ATRNL1: variants seen among roughly 807,000 people sequenced by gnomAD.
ATRNL1 encodes the protein attractin like 1, also known as attractin-like protein 1.
In ATRNL1, 95 loss-of-function variants were observed where a neutral mutation model predicts 182.7. The observed-to-expected ratio is 0.52, with a 90% CI of 0.44 to 0.62. The LOEUF (loss-of-function observed/expected upper bound fraction) is 0.62, where lower values mean the gene tolerates loss of function less well. Ranked by LOEUF, ATRNL1 falls within the 20% of genes least tolerant of loss-of-function variation. The pLI is 0.00. For synonymous variants in ATRNL1, 576 were observed against 568.3 expected, an observed-to-expected ratio of 1.01 and a Z score of -0.19; for missense variants, 1,471 against 1,679.5, an observed-to-expected ratio of 0.88 and a Z score of 2.17.
intron 5 of ATRNL1, among the ~76,000 whole-genome samples, chr10:115,154,763 C>A (rs1223643673): frequency 6.6e-6 from 1 of 152,066 alleles, no homozygotes; most frequent in South Asian, 2.1e-4. Flanking sequence ...GATGATCTGT[C>A]TAATGCTGAG....
chr10:115,181,394 T>G (rs1847740664), intron 8 of ATRNL1, among the ~76,000 whole-genome samples: 2 of 151,786 alleles, frequency 1.3e-5, no homozygotes, highest in South Asian at 4.1e-4. Flanking sequence ...TAGTTTGTTT[T>G]CTGAGCAGGC....
chr10:115,632,467 G>A lies in ATRNL1; in HGVS notation c.3795+82931G>A, dbSNP rs188056067. On this transcript the variant is annotated intron_variant, in intron 26 of 28. Transcript: ENST00000355044. Reference sequence around the variant, plus strand: ...TAACAGTAATAATAGGGATAAGAAAGAGGATGGTTCTTTTTAAAAATACCT... The same window carrying A: ...TAACAGTAATAATAGGGATAAGAAAAAGGATGGTTCTTTTTAAAAATACCT... Among the ~76,000 whole-genome samples the A allele has an allele frequency of 2.6e-3, 399 of 152,260 alleles. 1 individual carries two copies. The highest frequency in any genetic ancestry group is 9.0e-3 in the African/African-American group (375 of 41,568).
chr10:115,800,999 T>G (rs563093127), intron 27 of ATRNL1, among the ~76,000 whole-genome samples: 1 of 152,320 alleles, frequency 6.6e-6, no homozygotes, highest in African/African-American at 2.4e-5. Flanking sequence ...AGGCCTGTCT[T>G]CAGAAACAGG....
chr10:115,912,707 A>T (rs1952720865), intron 28 of ATRNL1, among the ~76,000 whole-genome samples: 1 of 152,334 alleles, frequency 6.6e-6, no homozygotes, highest in East Asian at 1.9e-4. Flanking sequence ...AATTCCATGA[A>T]TTATCACAAA....
chr10:115,287,419 A>G (rs980733712), intron 15 of ATRNL1, among the ~76,000 whole-genome samples: 1 of 152,046 alleles, frequency 6.6e-6, no homozygotes, highest in Non-Finnish European at 1.5e-5. Flanking sequence ...TGCTATTACT[A>G]CTATTTCCAG....
intron 26 of ATRNL1, among the ~76,000 whole-genome samples, chr10:115,718,043 C>T (rs782482938): frequency 7.7e-4 from 117 of 152,212 alleles, no homozygotes; most frequent in East Asian, 3.9e-4. Context: ...CATGATTCTT[C>T]GGGAAGTTTT....
chr10:115,677,365 C>T (rs556103588), intron 26 of ATRNL1, among the ~76,000 whole-genome samples: 4 of 152,164 alleles, frequency 2.6e-5, no homozygotes, highest in African/African-American at 9.6e-5. Context: ...TGCATGAGAG[C>T]CACCATTCAG....
At chr10:115,394,865 C>T in intron 20 of ATRNL1, 113 bp downstream of exon 20, 1 of 772,964 alleles carries the variant, frequency 1.3e-6, no homozygotes, top group Non-Finnish European at 2.0e-6. Flanking sequence ...ACCTTTATTA[C>T]AATTTTTAAC....
intron 6 of ATRNL1, among the ~76,000 whole-genome samples, chr10:115,164,839 G>C (rs1348356211): frequency 1.3e-5 from 2 of 152,018 alleles, no homozygotes; most frequent in Non-Finnish European, 2.9e-5. Flanking sequence ...AGGGAGAAGG[G>C]GACAAAGAGA....
chr10:115,551,790 A>C (rs1171818172), intron 26 of ATRNL1, among the ~76,000 whole-genome samples: 1 of 151,512 alleles, frequency 6.6e-6, no homozygotes, highest in Non-Finnish European at 1.5e-5. Flanking sequence ...GCAATTAGCA[A>C]GTAATTTTAA....
chr10:115,716,303 T>C (rs188966256), intron 26 of ATRNL1, among the ~76,000 whole-genome samples: 3 of 152,282 alleles, frequency 2.0e-5, no homozygotes, highest in Admixed American at 2.0e-4. Flanking sequence ...CATTAGCTAA[T>C]AGCAAAATAA....
intron 24 of ATRNL1, among the ~76,000 whole-genome samples, chr10:115,479,523 G>A (rs10885722): frequency 0.46 from 70,148 of 151,060 alleles, 17,324 homozygotes; most frequent in African/African-American, 0.56. Flanking sequence ...ACTTTAATAG[G>A]GTGTTTTATG....
intron 10 of ATRNL1, among the ~76,000 whole-genome samples, chr10:115,256,936 G>A (rs1013411354): frequency 2.6e-5 from 4 of 152,098 alleles, no homozygotes; most frequent in Admixed American, 6.6e-5. Context: ...ATAGTTGTGC[G>A]GTTTTGAGTG....
rs141269236 is a variant in ATRNL1 at position 115,416,999 on chromosome 10, G to A, written c.3270-9251G>A. Among the ~76,000 whole-genome samples the A allele has an allele frequency of 8.0e-3, 1,225 of 152,264 alleles. 11 individuals are homozygous for A. The highest frequency in any genetic ancestry group is 0.013 in the Non-Finnish European group (876 of 68,016). On this transcript the variant is annotated intron_variant, in intron 20 of 28. Coordinates refer to ENST00000355044, the MANE Select transcript of ATRNL1 (RefSeq NM_207303.4). ...ACTTATCTACTGACAAAAGTCACTG[G>A]CAGGAGCCTCAGGAGTCAGGTAGGA... is the stretch of plus-strand genomic sequence containing the variant.
chr10:115,163,209 G>C (rs1554883656), intron 6 of ATRNL1, among the ~76,000 whole-genome samples: 1 of 151,820 alleles, frequency 6.6e-6, no homozygotes, highest in Non-Finnish European at 1.5e-5. Context: ...AGAATCACTT[G>C]TTATTCTTCG....
intron 8 of ATRNL1, among the ~76,000 whole-genome samples, chr10:115,191,026 G>A (rs554463850): frequency 8.6e-5 from 13 of 152,008 alleles, no homozygotes; most frequent in African/African-American, 2.7e-4. Flanking sequence ...AGTTTCATCC[G>A]TGTTGTTGCA....
At chr10:115,135,601 C>T (rs1554876435) in intron 5 of ATRNL1, among the ~76,000 whole-genome samples, 2 of 152,084 alleles carry the variant, frequency 1.3e-5, no homozygotes, top group African/African-American at 2.4e-5. Context: ...GTGAAAATGG[C>T]CATACTGCCC....
At chr10:115,370,718 A>T (rs183772928) in intron 19 of ATRNL1, among the ~76,000 whole-genome samples, 1 of 152,378 alleles carries the variant, frequency 6.6e-6, no homozygotes, top group East Asian at 1.9e-4. Context: ...GAAAATGTGC[A>T]GCCTGACAAT....
At chr10:115,294,186 G>A (rs1184279787) in intron 15 of ATRNL1, among the ~76,000 whole-genome samples, 1 of 152,120 alleles carries the variant, frequency 6.6e-6, no homozygotes, top group African/African-American at 2.4e-5. Context: ...TTGCTTTTAA[G>A]TCCAGTGATT....
Sources: allele counts gnomAD v4.1 joint callset (sites outside exome capture counted in the v4.1 genomes callset), GRCh38; gene constraint gnomAD v4.1.1; transcripts MANE v1.5; gene names NCBI Gene and HGNC (gene_info 2026-07-23, HGNC 2026-07-21).